Variants in RBFOX1 observed in about 807,000 individuals in gnomAD.
RBFOX1 encodes RNA binding fox-1 homolog 1, also known as RNA binding protein fox-1 homolog 1.
In RBFOX1, 8 loss-of-function variants were observed where a neutral mutation model predicts 57.7. That is an observed-to-expected ratio of 0.14 (90% CI 0.08 to 0.25). The LOEUF (loss-of-function observed/expected upper bound fraction) is 0.25, where lower values mean the gene tolerates loss of function less well. RBFOX1 is among the 10% of genes least tolerant of loss of function. RBFOX1 has a pLI of 1.00. For synonymous variants in RBFOX1, 326 were observed against 222.4 expected, an observed-to-expected ratio of 1.47 and a Z score of -4.15; for missense variants, 611 against 548.5, an observed-to-expected ratio of 1.11 and a Z score of -1.14.
At chr16:5,848,136 G>A (rs2056803306) in intron 3 of RBFOX1, among the ~76,000 whole-genome samples, 1 of 152,022 alleles carries the variant, frequency 6.6e-6, no homozygotes. Context: ...AGTGAAAATG[G>A]CATACAAACT....
downstream of RBFOX1, among the ~76,000 whole-genome samples, chr16:5,604,059 A>G (rs555087082): frequency 2.0e-5 from 3 of 152,276 alleles, no homozygotes; most frequent in East Asian, 3.9e-4. Context: ...TTACTAATCA[A>G]TGGTGTCACT....
intron 4 of RBFOX1, among the ~76,000 whole-genome samples, chr16:7,135,640 G>A (rs563427847): frequency 3.1e-4 from 47 of 152,298 alleles, no homozygotes; most frequent in African/African-American, 1.1e-3. Flanking sequence ...CGCTGTTCGC[G>A]GCATCCCTGA....
intron 5 of RBFOX1, among the ~76,000 whole-genome samples, chr16:7,565,002 A>G (rs969920024): frequency 5.9e-5 from 9 of 152,228 alleles, no homozygotes; most frequent in East Asian, 1.9e-4. Flanking sequence ...GGCATTAACT[A>G]CATCCAAAGC....
chr16:7,506,545 C>T (rs929211119), intron 4 of RBFOX1, among the ~76,000 whole-genome samples: 1 of 152,118 alleles, frequency 6.6e-6, no homozygotes, highest in African/African-American at 2.4e-5. Flanking sequence ...CGTTACCAGA[C>T]ATCGTCATCA....
rs182714999 is a variant in RBFOX1 at position 5,834,570 on chromosome 16, C to T, written c.319-32733C>T. 2.6e-3 allele frequency among the ~76,000 whole-genome samples: 378 copies of T among 143,490 alleles called. 2 individuals are homozygous for T. Among genetic ancestry groups the T allele is most frequent in the African/African-American group, 9.6e-3 (364 of 38,100 alleles). 94.1% of individuals were successfully genotyped at this position (143,490 alleles called of 152,430 possible). On this transcript the variant is annotated intron_variant, in intron 3 of 19. Coordinates refer to the RBFOX1 transcript ENST00000641259. ...ATGTGCCGTGATAAATATAGAAGTGCATGTGTCATAGATAGATAGATAGAT... is the reference window on the plus strand; with the variant it reads ...ATGTGCCGTGATAAATATAGAAGTGTATGTGTCATAGATAGATAGATAGAT...
chr16:6,679,265 G>T (rs1262244701), intron 3 of RBFOX1, among the ~76,000 whole-genome samples: 13 of 152,156 alleles, frequency 8.5e-5, no homozygotes, highest in African/African-American at 2.9e-4. Flanking sequence ...ACGTAAAAAA[G>T]TGAGCTTAAA....
intron 2 of RBFOX1, chr16:6,483,264 G>A: frequency 7.6e-7 from 1 of 1,307,968 alleles, no homozygotes; most frequent in African/African-American, 1.6e-5. Flanking sequence ...GTGCGCGCCC[G>A]GGTGTTGATT....
intron 2 of RBFOX1, among the ~76,000 whole-genome samples, chr16:6,551,799 C>T (rs902262825): frequency 2.6e-5 from 4 of 152,196 alleles, no homozygotes; most frequent in African/African-American, 9.7e-5. Context: ...GTCAGAGCTA[C>T]TGTGATTATC....
intron 3 of RBFOX1, among the ~76,000 whole-genome samples, chr16:5,717,598 G>A (rs1449966650): frequency 1.3e-5 from 2 of 152,048 alleles, no homozygotes; most frequent in African/African-American, 2.4e-5. Context: ...GCGAATATAC[G>A]ATATTTGGTT....
chr16:5,502,877 C>G (rs2043249075), intron 2 of RBFOX1, among the ~76,000 whole-genome samples: 1 of 152,232 alleles, frequency 6.6e-6, no homozygotes, highest in Non-Finnish European at 1.5e-5. Context: ...AGGAGCAATT[C>G]TGATTGAGAT....
intron 4 of RBFOX1, among the ~76,000 whole-genome samples, chr16:7,387,198 T>C (rs191806861): frequency 6.6e-6 from 1 of 152,322 alleles, no homozygotes; most frequent in East Asian, 1.9e-4. Flanking sequence ...GTTTTTTGAG[T>C]GCTTGCCACA....
intron 4 of RBFOX1, among the ~76,000 whole-genome samples, chr16:7,191,334 AAAAAG>A (rs1307923398): frequency 7.2e-5 from 8 of 111,106 alleles, no homozygotes; most frequent in Admixed American, 6.7e-4. Flanking sequence ...TTGCTGACAA[AAAAAG>A]AAAAAAAAAA....
intron 4 of RBFOX1, among the ~76,000 whole-genome samples, chr16:7,415,310 A>G (rs1367576584): frequency 1.3e-5 from 2 of 152,190 alleles, no homozygotes; most frequent in East Asian, 1.9e-4. Context: ...AATCCAAGAT[A>G]AATCCATATC....
intron 4 of RBFOX1, among the ~76,000 whole-genome samples, chr16:7,403,161 A>G (rs955988585): frequency 5.3e-5 from 8 of 152,172 alleles, no homozygotes; most frequent in Non-Finnish European, 2.9e-5. Context: ...ATTTTGATAT[A>G]TGTATACATT....
chr16:7,287,813 TG>T (rs2095679991), intron 4 of RBFOX1, among the ~76,000 whole-genome samples: 2 of 152,222 alleles, frequency 1.3e-5, no homozygotes, highest in Non-Finnish European at 2.9e-5. Context: ...TTTACATATA[TG>T]GGGTATTACC....
At chr16:6,594,632 T>G (rs1333054154) in intron 2 of RBFOX1, among the ~76,000 whole-genome samples, 1 of 152,194 alleles carries the variant, frequency 6.6e-6, no homozygotes, top group Non-Finnish European at 1.5e-5. Context: ...GCTAGGACCC[T>G]AAATAAGTAT....
intron 1 of RBFOX1, among the ~76,000 whole-genome samples, chr16:6,147,817 C>T (rs538700050): frequency 6.6e-6 from 1 of 152,334 alleles, no homozygotes; most frequent in East Asian, 1.9e-4. Context: ...ATGATTGATT[C>T]CTTCTTTCTC....
At chr16:6,394,437 G>A (rs749455974) in intron 2 of RBFOX1, among the ~76,000 whole-genome samples, 2 of 151,982 alleles carry the variant, frequency 1.3e-5, no homozygotes, top group Non-Finnish European at 2.9e-5. Context: ...GGTGGGAGTG[G>A]GGGAAGAAAG....
intron 5 of RBFOX1, among the ~76,000 whole-genome samples, chr16:7,556,860 T>C (rs1391041565): frequency 1.3e-5 from 2 of 152,224 alleles, no homozygotes; most frequent in Non-Finnish European, 2.9e-5. Flanking sequence ...TAAAGGTTGT[T>C]ATTGTTGTTT....
Sources: allele counts gnomAD v4.1 joint callset (sites outside exome capture counted in the v4.1 genomes callset), GRCh38; gene constraint gnomAD v4.1.1; transcripts MANE v1.5; gene names NCBI Gene and HGNC (gene_info 2026-07-23, HGNC 2026-07-21).